The following FLRT2 variants were observed in gnomAD, a reference collection of about 807,000 sequenced individuals.
FLRT2 encodes the protein fibronectin leucine rich transmembrane protein 2, also known as leucine-rich repeat transmembrane protein FLRT2.
In FLRT2, 15 loss-of-function variants were observed where a neutral mutation model predicts 40.0. The ratio of observed to expected loss-of-function variants is 0.38; its 90% CI spans 0.25 to 0.58. FLRT2 has a LOEUF of 0.58. Ranked by LOEUF, FLRT2 falls within the 20% of genes least tolerant of loss-of-function variation. The pLI, the probability that FLRT2 is intolerant of heterozygous loss-of-function variation, is 0.71. For synonymous variants in FLRT2, 380 were observed against 336.8 expected (o/e 1.13, Z -1.41); for missense variants, 726 against 840.0 (o/e 0.86, Z 1.68).
At position 85,634,351 on chromosome 14, in the gene FLRT2, T is replaced by C. The variant is rs1893951710; in HGVS notation, c.*10854T>C. On this transcript the variant is annotated 3_prime_UTR_variant, in exon 2 of 2. Coordinates refer to ENST00000330753, the MANE Select transcript of FLRT2 (RefSeq NM_013231.6). ...TGGTCTGCTGCCAATCTCTATTCTG[T>C]TTGGACTAGTGTCTGTTTTGACTGG... is the stretch of plus-strand genomic sequence containing the variant. 6.6e-6 allele frequency: 1 copy of C among 152,146 alleles called. No homozygotes were observed. The highest frequency in any genetic ancestry group is 1.5e-5 in the Non-Finnish European group (1 of 68,038). 9.4% of individuals were successfully genotyped at this position (152,146 alleles called of 1,614,324 possible). A position where few individuals can be genotyped will look rare whatever the true frequency, so the allele number is the denominator to read the frequency against.
intron 1 of FLRT2, among the ~76,000 whole-genome samples, chr14:85,564,811 G>A (rs76699803): frequency 0.06 from 9,137 of 152,220 alleles, 368 homozygotes; most frequent in East Asian, 0.16. Flanking sequence ...TGGACGATGA[G>A]AATTGTAATA....
chr14:85,650,632 A>G lies in FLRT2; in HGVS notation c.*27135A>G, dbSNP rs1409162614. ...CACATGCTTGCCATTTCCTATTGCA[A>G]AACATTTAAGTATTTATGTTTGTGA... On this transcript the variant is annotated 3_prime_UTR_variant, in exon 2 of 2. Transcript: ENST00000330753. 1 of 152,076 alleles carries G rather than the reference A, an allele frequency of 6.6e-6. No individual in the cohort carries two copies. Among genetic ancestry groups the G allele is most frequent in the Non-Finnish European group, 1.5e-5 (1 of 67,988 alleles). The allele number at this position is 152,076 out of a possible 1,614,324, so 9.4% of individuals were successfully genotyped here.
intron 1 of FLRT2, among the ~76,000 whole-genome samples, chr14:85,550,090 G>A (rs1247375058): frequency 1.3e-5 from 2 of 152,074 alleles, no homozygotes; most frequent in East Asian, 3.9e-4. Flanking sequence ...AAAACAGCAG[G>A]CATCGTGGAT....
chr14:85,570,126 C>G (rs1357952224), intron 1 of FLRT2, among the ~76,000 whole-genome samples: 1 of 152,204 alleles, frequency 6.6e-6, no homozygotes, highest in African/African-American at 2.4e-5. Flanking sequence ...GAGGGTAGAG[C>G]TGTTATTTTG....
At chr14:85,563,229 A>C (rs1017413717) in intron 1 of FLRT2, among the ~76,000 whole-genome samples, 4 of 152,256 alleles carry the variant, frequency 2.6e-5, no homozygotes, top group Non-Finnish European at 5.9e-5. Flanking sequence ...GTAATATCAC[A>C]GTAGTTACCC....
Position 85,648,119 on chromosome 14 carries a change from T to C in FLRT2, c.*24622T>C, listed in dbSNP as rs1327202738. 2 of 152,162 alleles carry C rather than the reference T, an allele frequency of 1.3e-5. No homozygotes were observed. Among genetic ancestry groups the C allele is most frequent in the East Asian group, 3.9e-4 (2 of 5,188 alleles). 9.4% of individuals were successfully genotyped at this position (152,162 alleles called of 1,614,324 possible). ...TTGAAGGTTAAAGAAAACCCAGCTA[T>C]AGATTCAGTGACTAACAAAATTTGG... On this transcript the variant is annotated 3_prime_UTR_variant, in exon 2 of 2. Coordinates refer to ENST00000330753, the MANE Select transcript of FLRT2 (RefSeq NM_013231.6).
intron 1 of FLRT2, among the ~76,000 whole-genome samples, chr14:85,598,451 T>G (rs1892234466): frequency 6.6e-6 from 1 of 152,216 alleles, no homozygotes; most frequent in Non-Finnish European, 1.5e-5. Context: ...TCAAGTGATT[T>G]TGGGGTGCAG....
At chr14:85,590,057 G>T (rs1187668016) in intron 1 of FLRT2, among the ~76,000 whole-genome samples, 1 of 64,822 alleles carries the variant, frequency 1.5e-5, no homozygotes, top group Non-Finnish European at 3.3e-5. Flanking sequence ...TTTTTGCTCA[G>T]ATTTTTTTTT....
At chr14:85,543,822 C>T (rs762504677) in intron 1 of FLRT2, among the ~76,000 whole-genome samples, 4 of 152,174 alleles carry the variant, frequency 2.6e-5, no homozygotes, top group Non-Finnish European at 5.9e-5. Context: ...TGACACTTTC[C>T]CTCCTGGTTA....
chr14:85,643,300 T>C lies in FLRT2; in HGVS notation c.*19803T>C, dbSNP rs1466250814. 5 of 88,494 alleles carry C rather than the reference T, an allele frequency of 5.7e-5. No individual in the cohort carries two copies. The highest frequency in any genetic ancestry group is 2.9e-4 in the African/African-American group (5 of 17,134). 5.5% of individuals were successfully genotyped at this position (88,494 alleles called of 1,614,324 possible). A position where few individuals can be genotyped will look rare whatever the true frequency, so the allele number is the denominator to read the frequency against. On this transcript the variant is annotated 3_prime_UTR_variant, in exon 2 of 2. Transcript: ENST00000330753. ...AGAGGGTATTTCTTTTTTTTCTTTC[T>C]TTCTTTCTTTCTTTCTTTCTTTCTT...
chr14:85,555,716 A>ATTTTG (rs1889914718), intron 1 of FLRT2, among the ~76,000 whole-genome samples: 1 of 150,316 alleles, frequency 6.7e-6, no homozygotes, highest in Non-Finnish European at 1.5e-5. Flanking sequence ...ATTTTATTTT[A>ATTTTG]TTTTATTTTA....
intron 1 of FLRT2, among the ~76,000 whole-genome samples, chr14:85,550,864 A>G (rs1321731198): frequency 6.6e-6 from 1 of 152,156 alleles, no homozygotes; most frequent in Non-Finnish European, 1.5e-5. Flanking sequence ...AAATTGTAGC[A>G]TTTCCTTTAT....
chr14:85,585,746 C>T (rs1331233581), intron 1 of FLRT2, among the ~76,000 whole-genome samples: 1 of 151,778 alleles, frequency 6.6e-6, no homozygotes, highest in African/African-American at 2.4e-5. Context: ...ATCTAAATGA[C>T]AGGATATTTG....
At chr14:85,571,094 C>T (rs904557066) in intron 1 of FLRT2, among the ~76,000 whole-genome samples, 2 of 151,988 alleles carry the variant, frequency 1.3e-5, no homozygotes, top group African/African-American at 2.4e-5. Flanking sequence ...ATTTGGGACT[C>T]GGGGCTTTTC....
In FLRT2 at chr14:85,646,272, A is replaced by G. The variant is rs1247074705; in HGVS notation, c.*22775A>G. ...GAAGCTGTAATTGGAAGTTGAGGACACTGTCATTCAGAATAAGATGTATGA... is the reference window on the plus strand; with the variant it reads ...GAAGCTGTAATTGGAAGTTGAGGACGCTGTCATTCAGAATAAGATGTATGA... On this transcript the variant is annotated 3_prime_UTR_variant, in exon 2 of 2. Coordinates refer to ENST00000330753, the MANE Select transcript of FLRT2 (RefSeq NM_013231.6). 2.0e-5 allele frequency: 3 copies of G among 152,192 alleles called. No individual in the cohort carries two copies. The highest frequency in any genetic ancestry group is 4.8e-5 in the African/African-American group (2 of 41,446). The allele number at this position is 152,192 out of a possible 1,614,324, so 9.4% of individuals were successfully genotyped here. A position where few individuals can be genotyped will look rare whatever the true frequency, so the allele number is the denominator to read the frequency against.
rs185692480 is a variant in FLRT2 at position 85,552,314 on chromosome 14, A to G, written c.-377+21780A>G. On this transcript the variant is annotated intron_variant, in intron 1 of 1. Coordinates refer to ENST00000330753, the MANE Select transcript of FLRT2 (RefSeq NM_013231.6). The stretch of plus-strand genomic sequence containing the variant: ...GTTACCTTGGCAAAGTACTTAACCT[A>G]TATAATCCTCACTTTTCTCATCTGC... Among the ~76,000 whole-genome samples the G allele has an allele frequency of 1.8e-3, 270 of 152,286 alleles. 1 individual carries two copies. Among genetic ancestry groups the G allele is most frequent in the African/African-American group, 6.2e-3 (257 of 41,574 alleles).
At chr14:85,576,726 A>G (rs552462898) in intron 1 of FLRT2, among the ~76,000 whole-genome samples, 6 of 152,200 alleles carry the variant, frequency 3.9e-5, no homozygotes, top group African/African-American at 9.6e-5. Context: ...GCAGCTCTCC[A>G]TATTAAAACT....
At chr14:85,596,070 G>A (rs1892125833) in intron 1 of FLRT2, among the ~76,000 whole-genome samples, 1 of 152,090 alleles carries the variant, frequency 6.6e-6, no homozygotes, top group Non-Finnish European at 1.5e-5. Flanking sequence ...AGGAAATTAC[G>A]GTTCACTTTT....
At chr14:85,555,592 G>A (rs577569319) in intron 1 of FLRT2, among the ~76,000 whole-genome samples, 3 of 151,536 alleles carry the variant, frequency 2.0e-5, no homozygotes, top group Admixed American at 1.3e-4. Context: ...TCCCATAACC[G>A]GTGGTAATTA....
Sources: allele counts gnomAD v4.1 joint callset (sites outside exome capture counted in the v4.1 genomes callset), GRCh38; gene constraint gnomAD v4.1.1; transcripts MANE v1.5; gene names NCBI Gene and HGNC (gene_info 2026-07-23, HGNC 2026-07-21).